Variants in TXNDC15 observed in about 807,000 individuals in gnomAD.
TXNDC15 encodes thioredoxin domain containing 15.
TXNDC15 carries 24 observed loss-of-function variants against 35.0 expected under a neutral mutation model. The ratio of observed to expected loss-of-function variants is 0.68; its 90% CI spans 0.50 to 0.96. The LOEUF (loss-of-function observed/expected upper bound fraction) is 0.96. TXNDC15 is among the 40% of genes least tolerant of loss of function. The probability of loss-of-function intolerance (pLI) is 0.00; values close to 1 mark genes in which losing one functional copy is unlikely to be tolerated. For missense variants in TXNDC15, 385 were observed against 453.3 expected (o/e 0.85, Z 1.37); for synonymous variants, 169 against 174.0 (o/e 0.97, Z 0.23).
chr5:134,890,849 T>TAA (rs1315087298), intron 2 of TXNDC15, among the ~76,000 whole-genome samples: 2 of 152,270 alleles, frequency 1.3e-5, no homozygotes, highest in Non-Finnish European at 2.9e-5. Flanking sequence ...CATTATCAAC[T>TAA]AAGTTTATGG....
intron 1 of TXNDC15, chr5:134,875,234 G>A (rs898683315): frequency 6.6e-6 from 3 of 456,140 alleles, no homozygotes; most frequent in Non-Finnish European, 1.3e-5. Context: ...GTGGAGAGTG[G>A]AGGCCTTACT....
At chr5:134,876,323 C>T (rs1277223827) in intron 1 of TXNDC15, among the ~76,000 whole-genome samples, 5 of 152,086 alleles carry the variant, frequency 3.3e-5, no homozygotes, top group African/African-American at 4.8e-5. Flanking sequence ...TGATTCTCTC[C>T]GCTCCCTCCC....
chr5:134,880,687 C>T (rs1203699356), intron 1 of TXNDC15, among the ~76,000 whole-genome samples: 1 of 152,134 alleles, frequency 6.6e-6, no homozygotes, highest in African/African-American at 2.4e-5. Context: ...AAGTCATCCA[C>T]CTGCCTCGGT....
rs761979474 is a variant in TXNDC15, at chr5:134,874,407, G to C, written c.-21G>C. The stretch of plus-strand genomic sequence containing the variant: ...AGCACGACTCGCGTAGCCGTGCGCC[G>C]ATTGCCTCTCGGCCTGGGCAATGGT... On this transcript the variant is annotated 5_prime_UTR_variant, in exon 1 of 5. Transcript: ENST00000358387. The C allele has an allele frequency of 6.3e-7, 1 of 1,578,066 alleles. No homozygotes were observed. The highest frequency in any genetic ancestry group is 8.6e-7 in the Non-Finnish European group (1 of 1,167,294).
At chr5:134,899,385 AT>A (rs1053633576) in intron 4 of TXNDC15, 103 bp from the exon 5 acceptor site, 6 of 927,318 alleles carry the variant, frequency 6.5e-6, no homozygotes, top group Non-Finnish European at 1.0e-5. Flanking sequence ...GGCAATGCTT[AT>A]TTTAGGACTG....
chr5:134,884,986 G>A lies in TXNDC15; in HGVS notation c.104-2709G>A, dbSNP rs1750247057. Among the ~76,000 whole-genome samples, 3 of 150,434 alleles carry A rather than the reference G, an allele frequency of 2.0e-5. No homozygotes were observed. In the South Asian group the frequency reaches 6.3e-4, roughly 32 times the overall value. On this transcript the variant is annotated intron_variant, in intron 1 of 4. Transcript: ENST00000358387. ...TGCCCAGGCTGGAGTGCAGTGGCAT[G>A]ATCTCGGCTCATTGCAACCTCCACC... is the stretch of plus-strand genomic sequence containing the variant.
rs1750301918 is a variant in TXNDC15 at position 134,887,693 on chromosome 5, A to G, written c.104-2A>G. The G allele has an allele frequency of 6.4e-7, 1 of 1,561,488 alleles. No homozygotes were observed. The highest frequency in any genetic ancestry group is 1.2e-5 in the South Asian group (1 of 83,200). On this transcript the variant is annotated splice_acceptor_variant, in intron 1 of 4. Transcript: ENST00000358387. LOFTEE classifies it high-confidence loss of function. ...GACTCTGAATGTGCTGGCATGTTTT[A>G]GTTGCAGAGGAAAGTGGTCGCTTAT...
chr5:134,890,204 T>TC (rs1491486373), intron 2 of TXNDC15, among the ~76,000 whole-genome samples: 1 of 150,816 alleles, frequency 6.6e-6, no homozygotes, highest in Non-Finnish European at 1.5e-5. Flanking sequence ...CTAATTTTTT[T>TC]CTTTTTTTTT....
intron 2 of TXNDC15, chr5:134,892,418 C>G (rs1750407636): frequency 6.6e-6 from 1 of 152,174 alleles, no homozygotes. Flanking sequence ...GATCGTCTAT[C>G]TATAGCATTA....
chr5:134,893,627 T>C lies in TXNDC15; in HGVS notation c.727T>C (p.Leu243=). 6.2e-7 allele frequency: 1 copy of C among 1,614,160 alleles called. No homozygotes were observed. The highest frequency in any genetic ancestry group is 1.3e-5 in the African/African-American group (1 of 75,040). The change falls in exon 3 of 5, where the codon TTG becomes CTG. Residue 243 remains leucine (L), a synonymous_variant. Coordinates refer to ENST00000358387, the MANE Select transcript of TXNDC15 (RefSeq NM_024715.4). ...CCGGGCATTTCCAGCTCTTCACTTT[T>C]TGGCACTGGATGCATCTCAGCACAG... ...LPRAFPALHF[L]ALDASQHSSL... is the part of the protein sequence containing the mutation.
chr5:134,874,380 G>A lies in TXNDC15; in HGVS notation c.-48G>A, dbSNP rs374675553. On this transcript the variant is annotated 5_prime_UTR_variant, in exon 1 of 5. Transcript: ENST00000358387. ...TCCTCCCCCAGCCTTCCTCCGGCTG[G>A]CAGCACGACTCGCGTAGCCGTGCGC... 1.3e-6 allele frequency: 2 copies of A among 1,506,354 alleles called. No individual in the cohort carries two copies. The highest frequency in any genetic ancestry group is 1.8e-6 in the Non-Finnish European group (2 of 1,123,962). The allele number at this position is 1,506,354 out of a possible 1,614,324, so 93.3% of individuals were successfully genotyped here.
rs1441022563 is a variant in TXNDC15, at chr5:134,888,007, A to G, written c.416A>G (p.His139Arg). 2 of 1,614,074 alleles carry G rather than the reference A, an allele frequency of 1.2e-6. No individual in the cohort carries two copies. The highest frequency in any genetic ancestry group is 1.7e-6 in the Non-Finnish European group (2 of 1,180,050). Reference sequence around the variant, plus strand: ...TTCTCTCTGGATGGCGCTGGAGCACACTTCCCTGACAGAGAAGAGGAGTAT... The same window carrying G: ...TTCTCTCTGGATGGCGCTGGAGCACGCTTCCCTGACAGAGAAGAGGAGTAT... ...SLFSLDGAGA[H>R]FPDREEEYYT... is the part of the protein sequence containing the mutation. Residue 139 changes from histidine to arginine, a missense_variant, in exon 2 of 5, where the codon CAC becomes CGC. By Grantham distance (29) the His-to-Arg change is conservative. Transcript: ENST00000358387.
Position 134,901,304 on chromosome 5 carries a change from T to C in TXNDC15, c.*1619T>C, listed in dbSNP as rs140711021. On this transcript the variant is annotated 3_prime_UTR_variant, in exon 5 of 5. Transcript: ENST00000358387. The stretch of plus-strand genomic sequence containing the variant: ...AATGAATGGGAGTTTACAACTTTTA[T>C]GTGTCATGTTTCCAACAGCTGTGTT... 2 of 152,366 alleles carry C rather than the reference T, an allele frequency of 1.3e-5. No individual in the cohort carries two copies. Among genetic ancestry groups the C allele is most frequent in the East Asian group, 3.9e-4 (2 of 5,194 alleles). 9.4% of individuals were successfully genotyped at this position (152,366 alleles called of 1,614,324 possible).
At chr5:134,880,750 T>A (rs901687419) in intron 1 of TXNDC15, among the ~76,000 whole-genome samples, 1 of 152,080 alleles carries the variant, frequency 6.6e-6, no homozygotes, top group Non-Finnish European at 1.5e-5. Context: ...GCCAAAATCA[T>A]TTTTTTCTTT....
intron 1 of TXNDC15, among the ~76,000 whole-genome samples, chr5:134,878,086 T>C (rs945701970): frequency 1.3e-5 from 2 of 151,744 alleles, no homozygotes; most frequent in African/African-American, 4.8e-5. Context: ...AATTTTTGTA[T>C]TTTTTAGTAG....
At chr5:134,884,873 T>C (rs145227170) in intron 1 of TXNDC15, among the ~76,000 whole-genome samples, 378 of 152,166 alleles carry the variant, frequency 2.5e-3, no homozygotes, top group African/African-American at 8.5e-3. Context: ...ATGCCAGACA[T>C]GAATTTTACT....
At chr5:134,896,263 A>G (rs761398214) in intron 3 of TXNDC15, 31 bp from the exon 4 acceptor site, 6 of 1,598,972 alleles carry the variant, frequency 3.8e-6, no homozygotes, top group Non-Finnish European at 5.1e-6. Flanking sequence ...TTAATAATAA[A>G]TTCAGGTTTT....
chr5:134,875,678 A>T (rs1028251642), intron 1 of TXNDC15, among the ~76,000 whole-genome samples: 4 of 143,614 alleles, frequency 2.8e-5, no homozygotes, highest in African/African-American at 1.0e-4. Flanking sequence ...TTTTATTTTT[A>T]TTTTTTTTTG....
At chr5:134,880,602 A>C (rs79690600) in intron 1 of TXNDC15, among the ~76,000 whole-genome samples, 4,146 of 151,362 alleles carry the variant, frequency 0.027, 164 homozygotes, top group African/African-American at 0.088. Flanking sequence ...ATGCCAGGCT[A>C]ATTTTTTTTT....
Sources: gnomAD v4.1 joint callset for allele counts (sites outside exome capture counted in the v4.1 genomes callset) on GRCh38, gnomAD v4.1.1 for gene constraint, MANE v1.5 for transcripts, NCBI Gene and HGNC (gene_info 2026-07-23, HGNC 2026-07-21) for gene names.